STX3: variants seen among roughly 807,000 people sequenced by gnomAD.
STX3 encodes syntaxin 3, also known as syntaxin-3.
Under a neutral mutation model 40.2 loss-of-function variants are expected in STX3, and 19 were observed. The ratio of observed to expected loss-of-function variants is 0.47; its 90% CI spans 0.33 to 0.69. STX3 has a LOEUF of 0.69. STX3 is among the 30% of genes least tolerant of loss of function. The probability of loss-of-function intolerance (pLI) is 0.02; values close to 1 mark genes in which losing one functional copy is unlikely to be tolerated. For missense variants in STX3, 364 were observed against 366.7 expected (o/e 0.99, Z 0.06); for synonymous variants, 122 against 132.2 (o/e 0.92, Z 0.53).
At chr11:59,797,206 G>T in intron 9 of STX3, 77 bp from the exon 10 acceptor site, 1 of 1,061,992 alleles carries the variant, frequency 9.4e-7, no homozygotes, top group Non-Finnish European at 1.5e-6. Flanking sequence ...AGGTGACAGG[G>T]GTTAGGTTTT....
At chr11:59,786,708 T>C (rs1864799751) in intron 2 of STX3, among the ~76,000 whole-genome samples, 1 of 152,178 alleles carries the variant, frequency 6.6e-6, no homozygotes. Context: ...CTCTGCCTGC[T>C]AAGGTCTGCT....
Position 59,801,148 on chromosome 11 carries a change from T to C in STX3, c.*324T>C. On this transcript the variant is annotated 3_prime_UTR_variant, in exon 11 of 11. Transcript: ENST00000337979. ...TGTGTGTCAGATTATGCCTTGCACT[T>C]GGGAAAGCTCTTGTGAGACTCTCCC... 1 of 1,305,434 alleles carries C rather than the reference T, an allele frequency of 7.7e-7. No individual in the cohort carries two copies. The highest frequency in any genetic ancestry group is 9.8e-7 in the Non-Finnish European group (1 of 1,024,050). The allele number at this position is 1,305,434 out of a possible 1,614,324, so 80.9% of individuals were successfully genotyped here.
At chr11:59,773,070 A>G in intron 1 of STX3, 141 bp from the exon 2 acceptor site, 1 of 742,852 alleles carries the variant, frequency 1.3e-6, no homozygotes. Flanking sequence ...CCGGAATTTG[A>G]TATATCAGAG....
intron 1 of STX3, among the ~76,000 whole-genome samples, chr11:59,772,809 G>A (rs902917251): frequency 6.6e-6 from 1 of 152,068 alleles, no homozygotes. Flanking sequence ...CAGTGTACCA[G>A]GCACCATACA....
rs763903030 is a variant in STX3 at position 59,790,506 on chromosome 11, C to T, written c.290-13C>T. On this transcript the variant is annotated splice_polypyrimidine_tract_variant and intron_variant, in intron 4 of 10. Coordinates refer to ENST00000337979, the MANE Select transcript of STX3 (RefSeq NM_004177.5). ...GAGATAGGTTGCAAGTATAACCTTCCTCTCCTCTTTAGGCATGGAGAAGCA... is the reference window on the plus strand; with the variant it reads ...GAGATAGGTTGCAAGTATAACCTTCTTCTCCTCTTTAGGCATGGAGAAGCA... The T allele has an allele frequency of 6.2e-7, 1 of 1,609,060 alleles. No homozygotes were observed. The highest frequency in any genetic ancestry group is 8.5e-7 in the Non-Finnish European group (1 of 1,175,384).
chr11:59,798,760 C>T (rs1244155072), intron 10 of STX3, among the ~76,000 whole-genome samples: 1 of 149,182 alleles, frequency 6.7e-6, no homozygotes, highest in Admixed American at 6.7e-5. Context: ...GTGATCCACC[C>T]GCCTCGGCCT....
intron 1 of STX3, among the ~76,000 whole-genome samples, chr11:59,760,377 C>T (rs2134859291): frequency 6.6e-6 from 1 of 151,156 alleles, no homozygotes; most frequent in East Asian, 1.9e-4. Context: ...TTGCAGCTCT[C>T]ACGGGGTGCA....
chr11:59,801,405 T>C lies in STX3; in HGVS notation c.*581T>C. 1.3e-5 allele frequency: 13 copies of C among 987,532 alleles called. No homozygotes were observed. The highest frequency in any genetic ancestry group is 1.6e-5 in the Non-Finnish European group (13 of 831,014). 61.2% of individuals were successfully genotyped at this position (987,532 alleles called of 1,614,324 possible). On this transcript the variant is annotated 3_prime_UTR_variant, in exon 11 of 11. Transcript: ENST00000337979. ...GTCTAAAGAGCTGACTTGTTTGAAATTCAGCCTTAAATTAAGCTCTTAGTT... is the reference window on the plus strand; with the variant it reads ...GTCTAAAGAGCTGACTTGTTTGAAACTCAGCCTTAAATTAAGCTCTTAGTT...
rs531250080 is a variant in STX3 at position 59,788,818 on chromosome 11, CA to C, written c.215-52del. The stretch of plus-strand genomic sequence containing the variant: ...CTCTGATGATGATTGCTGTAGTTCA[CA>C]AAGGAATCAGTCCTCTCCTTTCTAA... On this transcript the variant is annotated intron_variant, in intron 3 of 10. Coordinates refer to ENST00000337979, the MANE Select transcript of STX3 (RefSeq NM_004177.5). 1.0e-5 allele frequency: 15 copies of C among 1,484,138 alleles called. No homozygotes were observed. In the East Asian group the frequency reaches 3.2e-4, roughly 32 times the overall value. The allele number at this position is 1,484,138 out of a possible 1,614,324, so 91.9% of individuals were successfully genotyped here. A position where few individuals can be genotyped will look rare whatever the true frequency, so the allele number is the denominator to read the frequency against.
chr11:59,762,266 A>C (rs1863076090), intron 1 of STX3, among the ~76,000 whole-genome samples: 1 of 152,220 alleles, frequency 6.6e-6, no homozygotes, highest in African/African-American at 2.4e-5. Flanking sequence ...GTTAAGAGGC[A>C]ACACTCCAGA....
Position 59,804,839 on chromosome 11 carries a change from C to T in STX3, c.*4015C>T, listed in dbSNP as rs779686607. 7 of 152,220 alleles carry T rather than the reference C, an allele frequency of 4.6e-5. No individual in the cohort carries two copies. Among genetic ancestry groups the T allele is most frequent in the Non-Finnish European group, 8.8e-5 (6 of 68,052 alleles). The allele number at this position is 152,220 out of a possible 1,614,324, so 9.4% of individuals were successfully genotyped here. ...TGAGAAAGGTGAAATGAGGTTATCA[C>T]TCACTTCACCTCTCACCTGATTTGT... is the stretch of plus-strand genomic sequence containing the variant. On this transcript the variant is annotated 3_prime_UTR_variant, in exon 11 of 11. Transcript: ENST00000337979.
intron 2 of STX3, among the ~76,000 whole-genome samples, chr11:59,785,443 G>A (rs184127899): frequency 1.1e-4 from 16 of 152,118 alleles, no homozygotes; most frequent in Non-Finnish European, 1.9e-4. Flanking sequence ...GGGATCCTCC[G>A]TTTTAGCCCC....
intron 7 of STX3, 62 bp from the exon 8 acceptor site, chr11:59,793,318 G>T: frequency 2.5e-6 from 4 of 1,602,656 alleles, no homozygotes; most frequent in South Asian, 1.1e-5. Flanking sequence ...GTGCATGAGG[G>T]CTGTGGCAGG....
In STX3 at chr11:59,805,414, CTTATTTT is replaced by C. The variant is rs1378920330; in HGVS notation, c.*4594_*4600del. 1 of 151,496 alleles carries C rather than the reference CTTATTTT, an allele frequency of 6.6e-6. No individual in the cohort carries two copies. Among genetic ancestry groups the C allele is most frequent in the Non-Finnish European group, 1.5e-5 (1 of 68,006 alleles). The allele number at this position is 151,496 out of a possible 1,614,324, so 9.4% of individuals were successfully genotyped here. On this transcript the variant is annotated 3_prime_UTR_variant, in exon 11 of 11. Transcript: ENST00000337979. ...AAGTAAATTATTCTTTGTTTGATAC[CTTATTTT>C]TTAAGAAAGTGGGATTAAAAATATT... is the stretch of plus-strand genomic sequence containing the variant.
At chr11:59,789,253 CT>C (rs112275582) in intron 4 of STX3, 21,470 of 212,428 alleles carry the variant, frequency 0.1, 327 homozygotes, top group South Asian at 0.17. Flanking sequence ...ACTTGTCTCT[CT>C]TTTTTTTTTT....
intron 2 of STX3, 46 bp downstream of exon 2, chr11:59,773,340 A>G (rs373019989): frequency 6.3e-7 from 1 of 1,587,430 alleles, no homozygotes; most frequent in East Asian, 2.2e-5. Context: ...ATAAGGAAAC[A>G]CTATTTCCTT....
chr11:59,771,022 T>A (rs953172148), intron 1 of STX3, among the ~76,000 whole-genome samples: 2 of 152,048 alleles, frequency 1.3e-5, no homozygotes, highest in Admixed American at 6.6e-5. Context: ...CAATTCAGAT[T>A]CCTCAGGGAG....
intron 2 of STX3, chr11:59,781,397 T>C: frequency 6.2e-7 from 1 of 1,602,676 alleles, no homozygotes. Context: ...TCAATTTTCT[T>C]GTTATTGTGC....
At chr11:59,786,578 A>T (rs1012716930) in intron 2 of STX3, among the ~76,000 whole-genome samples, 9 of 150,792 alleles carry the variant, frequency 6.0e-5, no homozygotes, top group African/African-American at 1.5e-4. Context: ...TCTTCCTCTC[A>T]TTCTGTGTTT....
Sources: allele counts gnomAD v4.1 joint callset (sites outside exome capture counted in the v4.1 genomes callset), GRCh38; gene constraint gnomAD v4.1.1; transcripts MANE v1.5; gene names NCBI Gene and HGNC (gene_info 2026-07-23, HGNC 2026-07-21).